The following ADGRL2 variants were observed in gnomAD, a reference collection of about 807,000 sequenced individuals.
The protein encoded by ADGRL2 is adhesion G protein-coupled receptor L2.
Under a neutral mutation model 157.4 loss-of-function variants are expected in ADGRL2, and 44 were observed. The ratio of observed to expected loss-of-function variants is 0.28; its 90% CI spans 0.22 to 0.36. The LOEUF is 0.36. Among genes scored for constraint, ADGRL2 ranks in the 10% least tolerant of loss-of-function variants. The pLI is 1.00. For missense variants in ADGRL2, 1,510 were observed against 1,768.9 expected, an observed-to-expected ratio of 0.85 and a Z score of 2.63; for synonymous variants, 585 against 624.7, an observed-to-expected ratio of 0.94 and a Z score of 0.95.
intron 2 of ADGRL2, among the ~76,000 whole-genome samples, chr1:81,500,072 G>T (rs1033849305): frequency 6.6e-6 from 1 of 152,162 alleles, no homozygotes; most frequent in Non-Finnish European, 1.5e-5. Context: ...GTTTTGTATG[G>T]AATGCAAAGG....
chr1:81,366,250 G>A (rs2100950262), intron 1 of ADGRL2, among the ~76,000 whole-genome samples: 1 of 151,434 alleles, frequency 6.6e-6, no homozygotes, highest in Non-Finnish European at 1.5e-5. Context: ...CACTTCATGA[G>A]CTCTTCACTA....
chr1:81,554,503 A>T (rs1051418732), intron 2 of ADGRL2, among the ~76,000 whole-genome samples: 3 of 151,916 alleles, frequency 2.0e-5, no homozygotes, highest in African/African-American at 4.8e-5. Context: ...GCAAAAAAAA[A>T]TTTTTGAATG....
At chr1:81,837,182 G>T in intron 2 of ADGRL2, 125 bp downstream of exon 2, 1 of 500,542 alleles carries the variant, frequency 2.0e-6, no homozygotes, top group Non-Finnish European at 3.4e-6. Context: ...ATTATTTCCT[G>T]AATATTGAAT....
chr1:81,883,877 A>G (rs2094052883), intron 2 of ADGRL2, among the ~76,000 whole-genome samples: 1 of 152,148 alleles, frequency 6.6e-6, no homozygotes, highest in Non-Finnish European at 1.5e-5. Context: ...AATTGTAGCC[A>G]TTATATTGAT....
At chr1:81,633,596 A>G (rs1174549224) in intron 3 of ADGRL2, among the ~76,000 whole-genome samples, 1 of 64,386 alleles carries the variant, frequency 1.6e-5, no homozygotes, top group South Asian at 3.9e-4. Context: ...ACTCTGTCTC[A>G]AAAAAAAAAA....
rs1050239032 is a variant in ADGRL2 at position 81,862,322 on chromosome 1, G to A, written c.73+25265G>A. 1.4e-4 allele frequency among the ~76,000 whole-genome samples: 21 copies of A among 152,162 alleles called. No homozygotes were observed. The Middle Eastern group carries it at 0.02, about 148-fold the overall frequency. On this transcript the variant is annotated intron_variant, in intron 2 of 23. Coordinates refer to ENST00000686636, the MANE Select transcript of ADGRL2 (RefSeq NM_001366006.2). ...TTCCCAGAAAAAGAAATTAAAAAAA[G>A]CACAACTGATTCATAATGAGCCAAC...
chr1:81,896,031 GGTGGGA>G (rs1386084605), intron 2 of ADGRL2, among the ~76,000 whole-genome samples: 2 of 152,066 alleles, frequency 1.3e-5, no homozygotes, highest in African/African-American at 4.8e-5. Context: ...GCTGGATGGA[GGTGGGA>G]GTGAATTAAT....
intron 2 of ADGRL2, among the ~76,000 whole-genome samples, chr1:81,446,692 C>A (rs962053898): frequency 2.6e-5 from 4 of 152,298 alleles, no homozygotes; most frequent in African/African-American, 9.6e-5. Context: ...CAAAATTGGT[C>A]ATTAACTACT....
chr1:81,364,107 C>G (rs2076023678), intron 1 of ADGRL2, among the ~76,000 whole-genome samples: 1 of 152,094 alleles, frequency 6.6e-6, no homozygotes, highest in African/African-American at 2.4e-5. Flanking sequence ...TTGCCCCACT[C>G]CCCCTTACCC....
In ADGRL2 at chr1:81,383,702, C is replaced by T. The variant is rs565693477; in HGVS notation, c.-301-61334C>T. On this transcript the variant is annotated intron_variant, in intron 1 of 24. Transcript: ENST00000370721. ...AGAAGGCCGGGTGCACGGTGGCTCA[C>T]ACCTGTAATCCCAGCACTTTGGGAG... Among the ~76,000 whole-genome samples, 9 of 148,560 alleles carry T rather than the reference C, an allele frequency of 6.1e-5. No individual in the cohort carries two copies. The South Asian group carries it at 1.9e-3, about 32-fold the overall frequency.
intron 1 of ADGRL2, among the ~76,000 whole-genome samples, chr1:81,714,190 G>A (rs553014460): frequency 6.6e-6 from 1 of 152,058 alleles, no homozygotes; most frequent in Non-Finnish European, 1.5e-5. Flanking sequence ...GATGAGATTT[G>A]GGTGGAAACA....
chr1:81,650,078 T>C (rs189519208), intron 3 of ADGRL2, among the ~76,000 whole-genome samples: 10 of 150,140 alleles, frequency 6.7e-5, no homozygotes, highest in Admixed American at 1.3e-4. Context: ...AAAAATCACA[T>C]CCCTGAAGGG....
At chr1:81,493,531 G>A (rs1359968155) in intron 2 of ADGRL2, among the ~76,000 whole-genome samples, 1 of 152,190 alleles carries the variant, frequency 6.6e-6, no homozygotes, top group Non-Finnish European at 1.5e-5. Context: ...AAAGAAGACA[G>A]TGGCTGTATG....
upstream of ADGRL2, chr1:81,800,349 T>G (rs2087845396): frequency 1.3e-5 from 2 of 152,116 alleles, no homozygotes; most frequent in Non-Finnish European, 2.9e-5. Flanking sequence ...CAAAGACGCA[T>G]TAACCCTGGA....
In ADGRL2 at chr1:81,667,528, G is replaced by A. The variant is rs1411491470; in HGVS notation, c.-143+86548G>A. ...AAGAACTTAGCTGGGAATGTCTTTC[G>A]TCTGTCAACAATTCCTCCTTATCAC... On this transcript the variant is annotated intron_variant, in intron 3 of 24. Coordinates refer to the ADGRL2 transcript ENST00000370721. Among the ~76,000 whole-genome samples the A allele has an allele frequency of 4.6e-5, 7 of 152,210 alleles. No homozygotes were observed. The East Asian group carries it at 5.8e-4, about 13-fold the overall frequency.
chr1:81,842,502 C>G (rs929446486), intron 2 of ADGRL2, among the ~76,000 whole-genome samples: 2 of 151,866 alleles, frequency 1.3e-5, no homozygotes, highest in South Asian at 2.1e-4. Flanking sequence ...GGATTACAGG[C>G]ACCTGCCACC....
At chr1:81,720,698 C>A (rs2084280009) in intron 1 of ADGRL2, among the ~76,000 whole-genome samples, 2 of 151,980 alleles carry the variant, frequency 1.3e-5, no homozygotes, top group African/African-American at 4.8e-5. Context: ...GGAAGTACTA[C>A]TCAATATAAA....
intron 2 of ADGRL2, among the ~76,000 whole-genome samples, chr1:81,552,888 C>A (rs2080185478): frequency 6.6e-6 from 1 of 152,090 alleles, no homozygotes; most frequent in Non-Finnish European, 1.5e-5. Flanking sequence ...GTTTAAATTA[C>A]TATTCTTGAA....
chr1:81,720,375 G>A (rs1570951315), intron 1 of ADGRL2, among the ~76,000 whole-genome samples: 1 of 151,924 alleles, frequency 6.6e-6, no homozygotes, highest in African/African-American at 2.4e-5. Flanking sequence ...TCACCATGTT[G>A]CTCAGGCTGG....
Sources: allele counts gnomAD v4.1 joint callset (sites outside exome capture counted in the v4.1 genomes callset), GRCh38; gene constraint gnomAD v4.1.1; transcripts MANE v1.5; gene names NCBI Gene and HGNC (gene_info 2026-07-23, HGNC 2026-07-21).